The following SCAF4 variants were observed in gnomAD, a reference collection of about 807,000 sequenced individuals.
The protein encoded by SCAF4 is SR-related CTD associated factor 4, also known as SR-related and CTD-associated factor 4.
In SCAF4, 25 loss-of-function variants were observed where a neutral mutation model predicts 129.8. The ratio of observed to expected loss-of-function variants is 0.19; its 90% CI spans 0.14 to 0.27. SCAF4 has a LOEUF of 0.27. SCAF4 is among the 10% of genes least tolerant of loss of function. The probability of loss-of-function intolerance (pLI) is 1.00; values close to 1 mark genes in which losing one functional copy is unlikely to be tolerated. For missense variants in SCAF4, 1,246 were observed against 1,457.1 expected (o/e 0.86, Z 2.36); for synonymous variants, 551 against 497.7 (o/e 1.11, Z -1.43).
intron 3 of SCAF4, 59 bp downstream of exon 3, chr21:31,705,364 A>G (rs2050631612): frequency 3.6e-6 from 3 of 830,620 alleles, no homozygotes; most frequent in Non-Finnish European, 5.6e-6. Flanking sequence ...ATTAAAATTT[A>G]CAAAGTAAAT....
chr21:31,702,365 A>G lies in SCAF4; in HGVS notation c.336T>C (p.Arg112=), dbSNP rs560113891. The G allele has an allele frequency of 4.3e-6, 7 of 1,613,968 alleles. No homozygotes were observed. In the South Asian group the frequency reaches 7.7e-5, roughly 18 times the overall value. Residue 112 remains arginine (R), a synonymous_variant, in exon 5 of 20, where the codon CGT becomes CGC. Coordinates refer to ENST00000286835, the MANE Select transcript of SCAF4 (RefSeq NM_020706.2). ...CPSEDKSKIV[R]VLNLWQKNGV... Reference sequence around the variant, plus strand: ...CATTTTTTTGCCAAAGGTTCAGCACACGAACTATTTTACTCTGTTACGCAT... The same window carrying G: ...CATTTTTTTGCCAAAGGTTCAGCACGCGAACTATTTTACTCTGTTACGCAT...
intron 16 of SCAF4, among the ~76,000 whole-genome samples, chr21:31,686,525 T>G (rs933697756): frequency 6.6e-6 from 1 of 152,092 alleles, no homozygotes; most frequent in African/African-American, 2.4e-5. Flanking sequence ...CACATAATTA[T>G]GCAGATTAAA....
chr21:31,706,456 A>C, intron 1 of SCAF4, 99 bp from the exon 2 acceptor site: 197 of 749,392 alleles, frequency 2.6e-4, no homozygotes, highest in East Asian at 4.6e-4. Context: ...GAAAATACAA[A>C]CGGGGCCGGG....
At position 31,671,637 on chromosome 21, in the gene SCAF4, C is replaced by A. The variant is rs746900042; in HGVS notation, c.3206G>T (p.Arg1069Leu). 1 of 1,614,112 alleles carries A rather than the reference C, an allele frequency of 6.2e-7. No individual in the cohort carries two copies. Among genetic ancestry groups the A allele is most frequent in the Non-Finnish European group, 8.5e-7 (1 of 1,179,996 alleles). ...RERDSRDRES[R>L]REKEEARGKE... ...TCCTCGGGCTTCTTCCTTCTCTCTA[C>A]GAGACTCTCTATCTCTAGAATCTCT... Residue 1069 changes from arginine to leucine, a missense_variant, in exon 20 of 20, where the codon CGT becomes CTT. Physicochemically the swap from Arg to Leu is moderately radical, Grantham distance 102 (BLOSUM62 -2). Coordinates refer to ENST00000286835, the MANE Select transcript of SCAF4 (RefSeq NM_020706.2).
At chr21:31,690,500 AC>A (rs1568835351) in intron 15 of SCAF4, among the ~76,000 whole-genome samples, 1 of 152,198 alleles carries the variant, frequency 6.6e-6, no homozygotes, top group Non-Finnish European at 1.5e-5. Context: ...ATAAAAAAAA[AC>A]ATAATACCAA....
chr21:31,672,092 C>A lies in SCAF4; in HGVS notation c.2751G>T (p.Arg917Ser). 1 of 1,613,324 alleles carries A rather than the reference C, an allele frequency of 6.2e-7. No homozygotes were observed. The highest frequency in any genetic ancestry group is 8.5e-7 in the Non-Finnish European group (1 of 1,179,360). Residue 917 changes from arginine (R) to serine (S), a missense_variant, in exon 20 of 20, where the codon AGG becomes AGT. Physicochemically the swap from Arg to Ser is moderately radical, Grantham distance 110. Transcript: ENST00000286835. ...GPFPPHGPFV[R>S]PGGMPGLGGP... ...CCCCGAGCCCTGGCATTCCACCAGGCCTAACAAAGGGGCCATGCGGTGGGA... is the reference window on the plus strand; with the variant it reads ...CCCCGAGCCCTGGCATTCCACCAGGACTAACAAAGGGGCCATGCGGTGGGA...
chr21:31,696,123 A>T lies in SCAF4; in HGVS notation c.1058T>A (p.Met353Lys). ...PRMMGIQQDP[M>K]HHQVPLPPNG... ...GAAAAATGCTTGTACCTGATGGTGC[A>T]TTGGATCCTGTTGTATTCCCATCAT... is the stretch of plus-strand genomic sequence containing the variant. Residue 353 changes from methionine (M) to lysine (K), a missense_variant, in exon 9 of 20, where the codon ATG becomes AAG. This residue lies in a region of SCAF4 where 236 missense variants were observed against 210.0 expected (regional missense o/e 1.12). Coordinates refer to ENST00000286835, the MANE Select transcript of SCAF4 (RefSeq NM_020706.2). 1 of 1,610,776 alleles carries T rather than the reference A, an allele frequency of 6.2e-7. No individual in the cohort carries two copies. Among genetic ancestry groups the T allele is most frequent in the Non-Finnish European group, 8.5e-7 (1 of 1,177,076 alleles).
chr21:31,694,315 A>G, intron 10 of SCAF4, 26 bp from the exon 11 acceptor site: 1 of 1,412,332 alleles, frequency 7.1e-7, no homozygotes, highest in Non-Finnish European at 9.9e-7. Flanking sequence ...CCATGATAAA[A>G]TGAGAAATTT....
rs1364608169 is a variant in SCAF4, at chr21:31,706,939, T to TA, written c.31-583dup. 7 of 307,868 alleles carry TA rather than the reference T, an allele frequency of 2.3e-5. No individual in the cohort carries two copies. The East Asian group carries it at 8.1e-4, about 36-fold the overall frequency. The allele number at this position is 307,868 out of a possible 1,614,324, so 19.1% of individuals were successfully genotyped here. The stretch of plus-strand genomic sequence containing the variant: ...AATCCAGAGGAGTATTTTTATCAAC[T>TA]ATTTTGTAAATGCAAGATTTTAGTA... On this transcript the variant is annotated intron_variant, in intron 1 of 19. Transcript: ENST00000286835.
intron 19 of SCAF4, among the ~76,000 whole-genome samples, chr21:31,681,824 C>T (rs914310279): frequency 5.3e-5 from 8 of 152,154 alleles, no homozygotes; most frequent in Non-Finnish European, 8.8e-5. Flanking sequence ...ACAACCAAAC[C>T]ATCCTTAAGG....
chr21:31,681,026 A>AGC (rs1442331263), intron 19 of SCAF4, among the ~76,000 whole-genome samples: 1 of 152,202 alleles, frequency 6.6e-6, no homozygotes. Flanking sequence ...TGTCTACTGA[A>AGC]GCCATGCCAG....
intron 1 of SCAF4, among the ~76,000 whole-genome samples, chr21:31,725,473 TAC>T (rs1295341770): frequency 6.6e-6 from 1 of 152,242 alleles, no homozygotes; most frequent in African/African-American, 2.4e-5. Flanking sequence ...TGTCAATTCG[TAC>T]ATTAAGTATT....
rs1394870166 is a variant in SCAF4, at chr21:31,732,048, G to A, written c.-356C>T. 3 of 428,980 alleles carry A rather than the reference G, an allele frequency of 7.0e-6. No individual in the cohort carries two copies. The Admixed American group carries it at 1.3e-4, about 19-fold the overall frequency. The allele number at this position is 428,980 out of a possible 1,614,324, so 26.6% of individuals were successfully genotyped here. A position where few individuals can be genotyped will look rare whatever the true frequency, so the allele number is the denominator to read the frequency against. ...TCACACTGGCCCGGCCGGCGAGCGG[G>A]CGGGCCTCTCTCTCCCTCTCTCCAG... On this transcript the variant is annotated 5_prime_UTR_variant, in exon 1 of 20. Transcript: ENST00000286835.
At chr21:31,727,908 C>T (rs760365443) in intron 1 of SCAF4, among the ~76,000 whole-genome samples, 19 of 122,854 alleles carry the variant, frequency 1.5e-4, no homozygotes, top group African/African-American at 5.8e-4. Flanking sequence ...TAATTGATAA[C>T]TGATACTTTT....
At chr21:31,681,928 T>C (rs1006877440) in intron 19 of SCAF4, among the ~76,000 whole-genome samples, 2 of 152,272 alleles carry the variant, frequency 1.3e-5, no homozygotes, top group South Asian at 4.1e-4. Context: ...TTTAAAAATA[T>C]TGCCACATTT....
chr21:31,719,421 G>A (rs566380129), intron 1 of SCAF4, among the ~76,000 whole-genome samples: 14 of 151,898 alleles, frequency 9.2e-5, no homozygotes, highest in African/African-American at 3.1e-4. Flanking sequence ...CATTTACTCC[G>A]GGCAGAACTA....
chr21:31,700,284 T>C (rs902232881), intron 7 of SCAF4, among the ~76,000 whole-genome samples: 6 of 151,456 alleles, frequency 4.0e-5, no homozygotes, highest in East Asian at 3.9e-4. Context: ...TAAAAATAAA[T>C]AAACACAGAC....
chr21:31,689,898 G>C (rs1369210481), intron 15 of SCAF4, among the ~76,000 whole-genome samples: 1 of 151,570 alleles, frequency 6.6e-6, no homozygotes, highest in African/African-American at 2.4e-5. Context: ...TCATGCCACT[G>C]CACTCCAGCC....
At chr21:31,711,388 G>A (rs1203282203) in intron 1 of SCAF4, among the ~76,000 whole-genome samples, 1 of 152,158 alleles carries the variant, frequency 6.6e-6, no homozygotes, top group Non-Finnish European at 1.5e-5. Context: ...AACAGATACA[G>A]AAATCCAGAA....
Sources: allele counts gnomAD v4.1 joint callset (sites outside exome capture counted in the v4.1 genomes callset), GRCh38; gene constraint gnomAD v4.1.1; regional missense constraint gnomAD v4.1.1; transcripts MANE v1.5; gene names NCBI Gene and HGNC (gene_info 2026-07-23, HGNC 2026-07-21).